GRM5: variants seen among roughly 807,000 people sequenced by gnomAD.
GRM5 encodes the protein metabotropic glutamate receptor 5.
A neutral mutation model predicts 83.1 loss-of-function variants in GRM5; 19 were observed. The ratio of observed to expected loss-of-function variants is 0.23; its 90% CI spans 0.16 to 0.34. The LOEUF (loss-of-function observed/expected upper bound fraction) is 0.34. GRM5 is among the 10% of genes least tolerant of loss of function. GRM5 has a pLI of 1.00. For synonymous variants in GRM5, 675 were observed against 633.6 expected, an observed-to-expected ratio of 1.07 and a Z score of -0.98; for missense variants, 1,160 against 1,588.3, an observed-to-expected ratio of 0.73 and a Z score of 4.58.
intron 3 of GRM5, among the ~76,000 whole-genome samples, chr11:88,730,656 G>A (rs571028559): frequency 1.3e-5 from 2 of 152,210 alleles, no homozygotes; most frequent in Admixed American, 1.3e-4. Context: ...AAAAAATGTG[G>A]CACATACACA....
At chr11:88,675,734 C>T (rs1176696220) in intron 3 of GRM5, among the ~76,000 whole-genome samples, 1 of 151,982 alleles carries the variant, frequency 6.6e-6, no homozygotes, top group East Asian at 1.9e-4. Flanking sequence ...ACTTCCGTCA[C>T]GTCATCCTAA....
At chr11:88,719,065 C>CTT (rs146611804) in intron 3 of GRM5, among the ~76,000 whole-genome samples, 7 of 149,642 alleles carry the variant, frequency 4.7e-5, no homozygotes, top group African/African-American at 4.9e-5. Flanking sequence ...ATCTGACATA[C>CTT]TTTTTTTTTT....
intron 2 of GRM5, among the ~76,000 whole-genome samples, chr11:88,974,618 C>A (rs1384901767): frequency 6.6e-6 from 1 of 152,044 alleles, no homozygotes; most frequent in African/African-American, 2.4e-5. Flanking sequence ...TTTCAGAATA[C>A]CTTAACACCC....
At chr11:88,860,257 A>C (rs1455515611) in intron 2 of GRM5, among the ~76,000 whole-genome samples, 1 of 152,144 alleles carries the variant, frequency 6.6e-6, no homozygotes, top group East Asian at 1.9e-4. Context: ...TAAAAACTTG[A>C]GACAGAAGCT....
At chr11:89,011,556 G>A (rs1362694700) in intron 2 of GRM5, among the ~76,000 whole-genome samples, 1 of 152,168 alleles carries the variant, frequency 6.6e-6, no homozygotes, top group African/African-American at 2.4e-5. Context: ...CTGAAAACCA[G>A]AGCTTTGCAC....
chr11:88,928,902 G>GTATATA (rs149267365), intron 2 of GRM5, among the ~76,000 whole-genome samples: 7,294 of 60,104 alleles, frequency 0.12, 267 homozygotes, highest in Middle Eastern at 0.26. Context: ...ATGTGTATGT[G>GTATATA]TATATACACA....
intron 3 of GRM5, among the ~76,000 whole-genome samples, chr11:88,655,771 A>T (rs1939753372): frequency 6.6e-6 from 1 of 151,556 alleles, no homozygotes; most frequent in African/African-American, 2.4e-5. Flanking sequence ...TTGTGAGTTT[A>T]AAATAATTTT....
At chr11:89,009,582 A>T (rs1940624784) in intron 2 of GRM5, among the ~76,000 whole-genome samples, 1 of 152,066 alleles carries the variant, frequency 6.6e-6, no homozygotes, top group Non-Finnish European at 1.5e-5. Flanking sequence ...AAAAGCAATG[A>T]TCTCTAAGCC....
intron 2 of GRM5, among the ~76,000 whole-genome samples, chr11:88,942,337 T>C (rs1303065618): frequency 6.6e-6 from 1 of 152,038 alleles, no homozygotes; most frequent in Admixed American, 6.6e-5. Flanking sequence ...TGGTGAGGGA[T>C]ATATGAGTAT....
chr11:88,549,771 A>G (rs112178184), intron 8 of GRM5, among the ~76,000 whole-genome samples: 13 of 152,238 alleles, frequency 8.5e-5, no homozygotes, highest in African/African-American at 2.2e-4. Flanking sequence ...TCTGTGAGCC[A>G]TGTGAAAGAG....
intron 8 of GRM5, among the ~76,000 whole-genome samples, chr11:88,541,893 G>A (rs1273859893): frequency 2.0e-5 from 3 of 152,154 alleles, no homozygotes; most frequent in Non-Finnish European, 4.4e-5. Flanking sequence ...TGGATCGTGA[G>A]GGGGAGTTTC....
intron 3 of GRM5, among the ~76,000 whole-genome samples, chr11:88,742,995 C>T (rs898213073): frequency 6.6e-6 from 1 of 151,986 alleles, no homozygotes; most frequent in Non-Finnish European, 1.5e-5. Flanking sequence ...GATATAGCCC[C>T]CGACAAATTC....
chr11:88,963,224 C>T (rs1009263005), intron 2 of GRM5, among the ~76,000 whole-genome samples: 14 of 152,186 alleles, frequency 9.2e-5, no homozygotes, highest in African/African-American at 3.1e-4. Flanking sequence ...AATGGTAAAG[C>T]AGATGCAAAT....
At chr11:88,963,019 G>A (rs1281916184) in intron 2 of GRM5, among the ~76,000 whole-genome samples, 1 of 152,184 alleles carries the variant, frequency 6.6e-6, no homozygotes, top group Admixed American at 6.5e-5. Flanking sequence ...AACCCAGGAG[G>A]CAGAGGTTGC....
chr11:88,928,907 T>TATATATATACACACACACACAC (rs369951090), intron 2 of GRM5, among the ~76,000 whole-genome samples: 1 of 138,674 alleles, frequency 7.2e-6, no homozygotes, highest in Non-Finnish European at 1.5e-5. Flanking sequence ...TATGTGTATA[T>TATATATATACACACACACACAC]ACACACACAC....
intron 2 of GRM5, among the ~76,000 whole-genome samples, chr11:88,967,518 C>G (rs1939024580): frequency 6.6e-6 from 1 of 151,886 alleles, no homozygotes; most frequent in Non-Finnish European, 1.5e-5. Context: ...TTCAAGAGTG[C>G]ATGCATGAGA....
chr11:89,049,956 G>C (rs1941723795), intron 1 of GRM5, among the ~76,000 whole-genome samples: 1 of 152,114 alleles, frequency 6.6e-6, no homozygotes, highest in African/African-American at 2.4e-5. Context: ...GTTAAAGAAA[G>C]CACAATTTCT....
intron 2 of GRM5, among the ~76,000 whole-genome samples, chr11:88,921,571 A>G (rs1945693896): frequency 6.6e-6 from 1 of 152,046 alleles, no homozygotes; most frequent in Non-Finnish European, 1.5e-5. Context: ...CTGAGCTTGC[A>G]GTGAGCTGAG....
intron 3 of GRM5, among the ~76,000 whole-genome samples, chr11:88,741,644 CAAGT>C (rs1942032072): frequency 6.6e-6 from 1 of 151,730 alleles, no homozygotes; most frequent in African/African-American, 2.4e-5. Context: ...TCTATACCAT[CAAGT>C]AATTTATTTT....
Sources: allele counts gnomAD v4.1 joint callset (sites outside exome capture counted in the v4.1 genomes callset), GRCh38; gene constraint gnomAD v4.1.1; transcripts MANE v1.5; gene names NCBI Gene and HGNC (gene_info 2026-07-23, HGNC 2026-07-21).